The following DHX32 variants were observed in gnomAD, a reference collection of about 807,000 sequenced individuals.
The protein encoded by DHX32 is DEAH-box helicase 32 (putative).
A neutral mutation model predicts 70.0 loss-of-function variants in DHX32; 51 were observed. The observed-to-expected ratio is 0.73, with a 90% CI of 0.58 to 0.92. The LOEUF (loss-of-function observed/expected upper bound fraction) is 0.92. Among genes scored for constraint, DHX32 ranks in the 40% least tolerant of loss-of-function variants. The pLI is 0.00. For synonymous variants in DHX32, 310 were observed against 315.3 expected, an observed-to-expected ratio of 0.98 and a Z score of 0.18; for missense variants, 762 against 891.8, an observed-to-expected ratio of 0.85 and a Z score of 1.85.
chr10:125,838,099 G>GCAT (rs1429613242), intron 10 of DHX32, 107 bp downstream of exon 10: 1 of 1,037,078 alleles, frequency 9.6e-7, no homozygotes, highest in African/African-American at 1.6e-5. Context: ...AATTAAGATT[G>GCAT]CATCAGTATA....
chr10:125,866,918 A>G lies in DHX32; in HGVS notation c.476+72T>C. 2.0e-6 allele frequency: 3 copies of G among 1,493,998 alleles called. No individual in the cohort carries two copies. The highest frequency in any genetic ancestry group is 2.7e-6 in the Non-Finnish European group (3 of 1,093,406). The allele number at this position is 1,493,998 out of a possible 1,614,324, so 92.5% of individuals were successfully genotyped here. ...GCTTAACAGGTAGAATGCCAGAATA[A>G]TGCTCCTTCAGAATTGTAGAACCTA... On this transcript the variant is annotated intron_variant, in intron 2 of 10. Transcript: ENST00000284690. The surrounding 1 kb of genome is among the most constrained non-coding windows in gnomAD (Gnocchi z 4.8).
chr10:125,878,971 G>GTGC (rs1353714079), intron 1 of DHX32, among the ~76,000 whole-genome samples: 2 of 146,476 alleles, frequency 1.4e-5, no homozygotes, highest in Non-Finnish European at 3.0e-5. Context: ...GCCTCCCAAA[G>GTGC]TGCTGAGATT....
intron 10 of DHX32, among the ~76,000 whole-genome samples, 162 bp from the exon 11 acceptor site, chr10:125,837,017 C>T (rs936991459): frequency 6.6e-6 from 1 of 152,100 alleles, no homozygotes; most frequent in East Asian, 1.9e-4. Context: ...AAAATAAATA[C>T]TTTCTGTTTT....
chr10:125,895,872 G>C (rs1375526509), intron 1 of DHX32, among the ~76,000 whole-genome samples: 1 of 152,248 alleles, frequency 6.6e-6, no homozygotes, highest in African/African-American at 2.4e-5. Flanking sequence ...AGGCTCACTG[G>C]GGACGACAGC....
chr10:125,859,605 G>T lies in DHX32; in HGVS notation c.847C>A (p.Gln283Lys). 6.4e-7 allele frequency: 1 copy of T among 1,570,222 alleles called. No homozygotes were observed. Among genetic ancestry groups the T allele is most frequent in the South Asian group, 1.2e-5 (1 of 82,754 alleles). ...GDIVVFLACE[Q>K]DIEKVCETVY... ...AGGTTAGAGTATCACTTACTTACTT[G>T]TTCACAGGCCAGAAAGACTACAATG... Residue 283 changes from glutamine (Q) to lysine (K), a missense_variant and splice_region_variant, in exon 3 of 11, where the codon CAA becomes AAA. This residue lies in a region of DHX32 where 394 missense variants were observed against 473.1 expected (regional missense o/e 0.83). Coordinates refer to ENST00000284690, the MANE Select transcript of DHX32 (RefSeq NM_018180.3).
rs2890323 is a variant in DHX32 at position 125,887,434 on chromosome 10, A to G, written c.-247-6363T>C. 4.8e-3 allele frequency among the ~76,000 whole-genome samples: 724 copies of G among 152,300 alleles called. 8 individuals are homozygous for G. The highest frequency in any genetic ancestry group is 0.016 in the African/African-American group (658 of 41,560). ...CAGAGAAAGACTTTGGTACAAGATG[A>G]GTTCAAAGATGAGATAGGGGCCAGA... On this transcript the variant is annotated intron_variant, in intron 1 of 2. Coordinates refer to the DHX32 transcript ENST00000415732.
Position 125,854,215 on chromosome 10 carries a change from A to G in DHX32, c.850-12T>C, listed in dbSNP as rs1156435918. ...ACTTTCTCAATATCCTAAAGAAAAA[A>G]AAACCCATGAAAATAAAATACAATG... On this transcript the variant is annotated splice_polypyrimidine_tract_variant and intron_variant, in intron 3 of 10. Coordinates refer to ENST00000284690, the MANE Select transcript of DHX32 (RefSeq NM_018180.3). 1 of 1,566,184 alleles carries G rather than the reference A, an allele frequency of 6.4e-7. No homozygotes were observed. Among genetic ancestry groups the G allele is most frequent in the African/African-American group, 1.4e-5 (1 of 72,348 alleles).
Position 125,836,419 on chromosome 10 carries a change from A to C in DHX32, c.*268T>G. On this transcript the variant is annotated 3_prime_UTR_variant, in exon 11 of 11. Transcript: ENST00000284690. ...TGTCCCATGTGTCTCTGACACATTT[A>C]CAAAATACCAGTTTTTTAAAATTTT... 1 of 1,457,310 alleles carries C rather than the reference A, an allele frequency of 6.9e-7. No individual in the cohort carries two copies. Among genetic ancestry groups the C allele is most frequent in the South Asian group, 1.5e-5 (1 of 67,886 alleles). 90.3% of individuals were successfully genotyped at this position (1,457,310 alleles called of 1,614,324 possible).
intron 1 of DHX32, among the ~76,000 whole-genome samples, chr10:125,877,728 TAATA>T (rs1366926420): frequency 6.6e-6 from 1 of 152,084 alleles, no homozygotes; most frequent in Non-Finnish European, 1.5e-5. Context: ...ACTCTAGAGA[TAATA>T]AACAACTTGA....
chr10:125,895,911 C>T (rs112283904), intron 1 of DHX32, among the ~76,000 whole-genome samples: 653 of 132,644 alleles, frequency 4.9e-3, no homozygotes, highest in African/African-American at 0.028. Context: ...CATTGCTCCA[C>T]GCTTCCCGTC....
At chr10:125,847,643 T>TA (rs1564824769) in intron 6 of DHX32, among the ~76,000 whole-genome samples, 1 of 152,186 alleles carries the variant, frequency 6.6e-6, no homozygotes, top group African/African-American at 2.4e-5. Context: ...GCTCGTTACA[T>TA]GTGCACTTTA....
chr10:125,856,417 C>T (rs1944148309), intron 3 of DHX32, among the ~76,000 whole-genome samples: 1 of 152,194 alleles, frequency 6.6e-6, no homozygotes, highest in African/African-American at 2.4e-5. Flanking sequence ...CATATTTTGT[C>T]TTCCGGTTAA....
At chr10:125,876,762 C>T (rs559840013) in intron 1 of DHX32, among the ~76,000 whole-genome samples, 93 of 152,158 alleles carry the variant, frequency 6.1e-4, no homozygotes, top group Non-Finnish European at 8.8e-4. Context: ...GATTAAAAAA[C>T]GACAATAAAA....
At chr10:125,843,085 C>T (rs1317963757) in intron 6 of DHX32, among the ~76,000 whole-genome samples, 2 of 151,976 alleles carry the variant, frequency 1.3e-5, no homozygotes, top group Admixed American at 6.5e-5. Flanking sequence ...TATAGCAATA[C>T]AGGTCACACA....
chr10:125,878,757 G>A (rs1944299342), intron 1 of DHX32, among the ~76,000 whole-genome samples: 1 of 149,786 alleles, frequency 6.7e-6, no homozygotes, highest in African/African-American at 2.5e-5. Flanking sequence ...CACCCAGGCT[G>A]GAGTGCAGTG....
intron 10 of DHX32, 110 bp from the exon 11 acceptor site, chr10:125,836,965 G>A (rs1437029769): frequency 4.4e-6 from 4 of 909,364 alleles, no homozygotes; most frequent in Non-Finnish European, 6.7e-6. Context: ...TGTAGAACCG[G>A]TATTTAATTT....
intron 1 of DHX32, among the ~76,000 whole-genome samples, chr10:125,888,012 T>G (rs1216582591): frequency 6.6e-6 from 1 of 152,158 alleles, no homozygotes; most frequent in Non-Finnish European, 1.5e-5. Context: ...TTTCCTTTTT[T>G]CCCTAAGCCC....
At position 125,870,517 on chromosome 10, in the gene DHX32, T is replaced by A. The variant is rs551249305; in HGVS notation, c.283-3334A>T. On this transcript the variant is annotated intron_variant, in intron 1 of 10. Transcript: ENST00000284690. ...AAAGGTGGCAACTGAAGCCATGAAA[T>A]TCTCAGGCAATCAGCATTTTAAATT... is the stretch of plus-strand genomic sequence containing the variant. Among the ~76,000 whole-genome samples, 131 of 152,240 alleles carry A rather than the reference T, an allele frequency of 8.6e-4. 1 individual carries two copies. Among genetic ancestry groups the A allele is most frequent in the African/African-American group, 3.0e-3 (126 of 41,542 alleles).
At chr10:125,867,272 G>C in intron 1 of DHX32, 89 bp from the exon 2 acceptor site, 2 of 1,175,804 alleles carry the variant, frequency 1.7e-6, no homozygotes, top group Non-Finnish European at 2.4e-6. Flanking sequence ...CATCTTATAA[G>C]TGATTTTCTT....
Sources: gnomAD v4.1 joint callset for allele counts (sites outside exome capture counted in the v4.1 genomes callset) on GRCh38, gnomAD v4.1.1 for gene constraint, gnomAD v4.1.1 regional missense constraint, Gnocchi (gnomAD v3.1) non-coding constraint, MANE v1.5 for transcripts, NCBI Gene and HGNC (gene_info 2026-07-23, HGNC 2026-07-21) for gene names.